Variants in PKIG observed in about 807,000 individuals in gnomAD.
PKIG encodes the protein cAMP-dependent protein kinase inhibitor gamma.
In PKIG, 1 loss-of-function variant was observed where a neutral mutation model predicts 6.8. The ratio of observed to expected loss-of-function variants is 0.15; its 90% CI spans 0.05 to 0.69. The LOEUF (loss-of-function observed/expected upper bound fraction) is 0.69. Ranked by LOEUF, PKIG falls within the 30% of genes least tolerant of loss-of-function variation. The pLI is 0.82. For missense variants in PKIG, 77 were observed against 104.0 expected, an observed-to-expected ratio of 0.74 and a Z score of 1.13; for synonymous variants, 39 against 43.0, an observed-to-expected ratio of 0.91 and a Z score of 0.36.
At chr20:44,574,619 G>C (rs1251106770) in intron 1 of PKIG, among the ~76,000 whole-genome samples, 1 of 152,072 alleles carries the variant, frequency 6.6e-6, no homozygotes, top group Non-Finnish European at 1.5e-5. Flanking sequence ...TGTCACCCAG[G>C]CTGGAGTGCA....
intron 2 of PKIG, among the ~76,000 whole-genome samples, chr20:44,610,083 TC>T (rs1382153830): frequency 7.2e-5 from 11 of 152,254 alleles, no homozygotes; most frequent in South Asian, 2.1e-4. Context: ...CTCTGGAACT[TC>T]CGGGAATTCT....
At chr20:44,551,367 T>G (rs11697419) in intron 1 of PKIG, among the ~76,000 whole-genome samples, 11,325 of 152,214 alleles carry the variant, frequency 0.074, 562 homozygotes, top group African/African-American at 0.14. Flanking sequence ...CATTTTCCTT[T>G]TACTTGGTAA....
intron 2 of PKIG, 124 bp downstream of exon 2, chr20:44,589,990 C>T (rs909753151): frequency 6.6e-6 from 1 of 152,186 alleles, no homozygotes; most frequent in African/African-American, 2.4e-5. Context: ...GAGATTTTGA[C>T]CTTATGAAGA....
intron 2 of PKIG, among the ~76,000 whole-genome samples, chr20:44,605,012 A>G (rs978129947): frequency 5.1e-4 from 78 of 152,328 alleles, no homozygotes; most frequent in African/African-American, 1.9e-3. Context: ...AGCCAGAAAA[A>G]AAAAATCTAA....
At chr20:44,544,716 T>C (rs1422032989) in intron 1 of PKIG, among the ~76,000 whole-genome samples, 1 of 152,188 alleles carries the variant, frequency 6.6e-6, no homozygotes, top group Non-Finnish European at 1.5e-5. Flanking sequence ...ATGCAGTTTC[T>C]TAGCTGTACA....
At chr20:44,547,158 T>A (rs2064622754) in intron 1 of PKIG, among the ~76,000 whole-genome samples, 1 of 152,232 alleles carries the variant, frequency 6.6e-6, no homozygotes, top group Non-Finnish European at 1.5e-5. Flanking sequence ...TCTTCTATTA[T>A]TGCATAGACA....
intron 2 of PKIG, among the ~76,000 whole-genome samples, chr20:44,605,406 C>CAA (rs34277645): frequency 0.013 from 436 of 34,828 alleles, 3 homozygotes; most frequent in African/African-American, 0.015. Flanking sequence ...GACTCCGTCT[C>CAA]AAAAAAAAAA....
chr20:44,579,321 C>T (rs1038856119), upstream of PKIG, among the ~76,000 whole-genome samples: 1 of 152,200 alleles, frequency 6.6e-6, no homozygotes, highest in East Asian at 1.9e-4. Context: ...AATTAAACAG[C>T]CAAAGTTTCC....
intron 2 of PKIG, among the ~76,000 whole-genome samples, chr20:44,613,646 TTGTTGGTTCGATTTC>T (rs1184503542): frequency 6.6e-6 from 1 of 152,218 alleles, no homozygotes; most frequent in Non-Finnish European, 1.5e-5. Flanking sequence ...ACACTACTTC[TTGTTGGTTCGATTTC>T]CAAGTTATAT....
intron 3 of PKIG, among the ~76,000 whole-genome samples, chr20:44,616,939 C>T (rs543693469): frequency 6.6e-6 from 1 of 152,330 alleles, no homozygotes; most frequent in East Asian, 1.9e-4. Flanking sequence ...TGAGGCAGTG[C>T]TGATGTCAGG....
intron 3 of PKIG, among the ~76,000 whole-genome samples, chr20:44,617,643 G>A (rs891677866): frequency 2.6e-5 from 4 of 152,112 alleles, no homozygotes; most frequent in African/African-American, 9.7e-5. Context: ...GATTTGAGAA[G>A]GAGGTACAAC....
chr20:44,565,855 C>T (rs965110530), intron 1 of PKIG, among the ~76,000 whole-genome samples: 3 of 152,270 alleles, frequency 2.0e-5, no homozygotes, highest in Non-Finnish European at 4.4e-5. Flanking sequence ...CTCCGCCTCC[C>T]GGGTTCAAGC....
At chr20:44,561,459 AAGT>A (rs1301250570) in intron 1 of PKIG, among the ~76,000 whole-genome samples, 4 of 152,258 alleles carry the variant, frequency 2.6e-5, no homozygotes, top group African/African-American at 9.6e-5. Context: ...GATGTATTTA[AAGT>A]AGATTACCTA....
rs2065243717 is a variant in PKIG at position 44,614,220 on chromosome 20, C to T, written c.-23-314C>T. The T allele has an allele frequency of 4.2e-6, 1 of 240,398 alleles. No homozygotes were observed. The highest frequency in any genetic ancestry group is 8.2e-6 in the Non-Finnish European group (1 of 122,052). 14.9% of individuals were successfully genotyped at this position (240,398 alleles called of 1,614,324 possible). A position where few individuals can be genotyped will look rare whatever the true frequency, so the allele number is the denominator to read the frequency against. ...GCTCTGTGAGGCCAGGGACCATGGC[C>T]AGTTTGTTCATGGTGGTATCTGTGC... On this transcript the variant is annotated intron_variant, in intron 2 of 3. Coordinates refer to ENST00000372886, the MANE Select transcript of PKIG (RefSeq NM_001281445.2). This position sits in a 1 kb window ranked among gnomAD's most constrained non-coding sequence, Gnocchi z 4.6.
upstream of PKIG, among the ~76,000 whole-genome samples, chr20:44,580,067 TTC>T (rs2064934474): frequency 6.6e-6 from 1 of 152,340 alleles, no homozygotes; most frequent in Non-Finnish European, 1.5e-5. Context: ...ATCTCTGACT[TTC>T]TTTCATTGTC....
In PKIG at chr20:44,618,765, C is replaced by G. The variant is rs1198320529; in HGVS notation, c.*401C>G. 1 of 166,884 alleles carries G rather than the reference C, an allele frequency of 6.0e-6. No individual in the cohort carries two copies. The highest frequency in any genetic ancestry group is 1.3e-5 in the Non-Finnish European group (1 of 76,630). The allele number at this position is 166,884 out of a possible 1,614,324, so 10.3% of individuals were successfully genotyped here. The stretch of plus-strand genomic sequence containing the variant: ...TCCAGCCCAATCTTCTGGGTCCAGA[C>G]CTGCTTGTCCCTTTTTTAGAAAACA... On this transcript the variant is annotated 3_prime_UTR_variant, in exon 4 of 4. Coordinates refer to ENST00000372886, the MANE Select transcript of PKIG (RefSeq NM_001281445.2).
chr20:44,597,619 G>A (rs567554573), intron 2 of PKIG, among the ~76,000 whole-genome samples: 383 of 152,342 alleles, frequency 2.5e-3, no homozygotes, highest in Non-Finnish European at 4.7e-3. Context: ...ACCCATGAAA[G>A]TCTGTGCTTC....
chr20:44,551,768 C>A (rs1281553374), intron 1 of PKIG, among the ~76,000 whole-genome samples: 3 of 152,150 alleles, frequency 2.0e-5, no homozygotes, highest in African/African-American at 7.2e-5. Context: ...GTCACAGAAT[C>A]CTTATCATCA....
At chr20:44,582,431 A>G (rs1240990084), upstream of PKIG, 1 of 152,322 alleles carries the variant, frequency 6.6e-6, no homozygotes, top group Non-Finnish European at 1.5e-5. Flanking sequence ...TCCAAAGGAA[A>G]TGGATCTCTC....
Sources: gnomAD v4.1 joint callset for allele counts (sites outside exome capture counted in the v4.1 genomes callset) on GRCh38, gnomAD v4.1.1 for gene constraint, Gnocchi (gnomAD v3.1) non-coding constraint, MANE v1.5 for transcripts, NCBI Gene and HGNC (gene_info 2026-07-23, HGNC 2026-07-21) for gene names.